TRDN: variants seen among roughly 807,000 people sequenced by gnomAD.
The protein encoded by TRDN is triadin, also known as triadin in skeletal muscle.
In TRDN, 161 loss-of-function variants were observed where a neutral mutation model predicts 149.7. That is an observed-to-expected ratio of 1.08 (90% CI 0.95 to 1.23). The LOEUF is 1.23. TRDN is among the 50% of genes most tolerant of loss of function. TRDN has a pLI of 0.00. For missense variants in TRDN, 896 were observed against 823.5 expected (o/e 1.09, Z -1.08); for synonymous variants, 294 against 250.5 (o/e 1.17, Z -1.64).
intron 12 of TRDN, among the ~76,000 whole-genome samples, chr6:123,401,423 T>C (rs1160420537): frequency 2.0e-5 from 3 of 152,140 alleles, no homozygotes; most frequent in African/African-American, 7.2e-5. Context: ...TGCAATTTGA[T>C]TTTAAATGAG....
intron 7 of TRDN, 98 bp from the exon 8 acceptor site, chr6:123,503,999 G>A (rs903700201): frequency 7.6e-7 from 1 of 1,307,810 alleles, no homozygotes; most frequent in South Asian, 1.6e-5. Flanking sequence ...AAAGAAAGAG[G>A]GAAGAAAGGT....
At chr6:123,490,738 A>T (rs981961064) in intron 9 of TRDN, among the ~76,000 whole-genome samples, 13 of 152,224 alleles carry the variant, frequency 8.5e-5, no homozygotes, top group African/African-American at 3.1e-4. Context: ...AAAGGCAGGC[A>T]TCCAAAAGAA....
chr6:123,359,996 T>A (rs937187998), intron 20 of TRDN, among the ~76,000 whole-genome samples: 4 of 152,010 alleles, frequency 2.6e-5, no homozygotes, highest in African/African-American at 9.7e-5. Context: ...CGCCTGGCCG[T>A]GAAGGGGAAT....
At chr6:123,357,388 GAA>G (rs1273607488) in intron 20 of TRDN, among the ~76,000 whole-genome samples, 2 of 152,072 alleles carry the variant, frequency 1.3e-5, no homozygotes, top group African/African-American at 4.8e-5. Context: ...GATATATGAG[GAA>G]AGACAAAGGA....
In TRDN at chr6:123,381,314, G is replaced by A. The variant is rs906456494; in HGVS notation, c.1186+56C>T. ...ATTGCAGGTCTAAATACAGCAGCAG[G>A]CAAATAATAGTAGTAAAAAAAAAAG... On this transcript the variant is annotated intron_variant, in intron 16 of 40. Coordinates refer to ENST00000334268, the MANE Select transcript of TRDN (RefSeq NM_006073.4). 56 of 1,485,816 alleles carry A rather than the reference G, an allele frequency of 3.8e-5. No homozygotes were observed. In the East Asian group the frequency reaches 1.4e-3, roughly 37 times the overall value. 92.0% of individuals were successfully genotyped at this position (1,485,816 alleles called of 1,614,324 possible). A position where few individuals can be genotyped will look rare whatever the true frequency, so the allele number is the denominator to read the frequency against.
intron 9 of TRDN, among the ~76,000 whole-genome samples, chr6:123,466,375 C>T (rs911161187): frequency 1.3e-5 from 2 of 152,282 alleles, no homozygotes; most frequent in Non-Finnish European, 2.9e-5. Context: ...TCTTCACAAG[C>T]TCTTTGGGAT....
rs1008568503 is a variant in TRDN at position 123,336,103 on chromosome 6, G to A, written c.1420+1516C>T. Reference sequence around the variant, plus strand: ...CTATTTTTCATAGTGTATGTCCAATGCATCTATGCCAAATAGATTTTTTTT... The same window carrying A: ...CTATTTTTCATAGTGTATGTCCAATACATCTATGCCAAATAGATTTTTTTT... On this transcript the variant is annotated intron_variant, in intron 22 of 40. Coordinates refer to ENST00000334268, the MANE Select transcript of TRDN (RefSeq NM_006073.4). Among the ~76,000 whole-genome samples the A allele has an allele frequency of 2.0e-5, 3 of 150,302 alleles. No individual in the cohort carries two copies. In the Admixed American group the frequency reaches 2.0e-4, roughly 10 times the overall value.
chr6:123,481,887 A>G (rs1354703803), intron 9 of TRDN, among the ~76,000 whole-genome samples: 2 of 152,204 alleles, frequency 1.3e-5, no homozygotes, highest in African/African-American at 4.8e-5. Flanking sequence ...AAAAGCTATC[A>G]CATGGCATGT....
At chr6:123,595,953 A>C (rs1784020006) in intron 1 of TRDN, among the ~76,000 whole-genome samples, 2 of 152,084 alleles carry the variant, frequency 1.3e-5, no homozygotes, top group Non-Finnish European at 2.9e-5. Context: ...TAAATGTTCA[A>C]ATGGGAGGAA....
intron 1 of TRDN, among the ~76,000 whole-genome samples, chr6:123,573,529 T>A (rs1295846515): frequency 6.6e-6 from 1 of 152,054 alleles, no homozygotes; most frequent in Non-Finnish European, 1.5e-5. Flanking sequence ...AACTCTTCAA[T>A]AAATGCAGGC....
At chr6:123,290,499 T>C (rs9375240) in intron 24 of TRDN, among the ~76,000 whole-genome samples, 28,101 of 152,136 alleles carry the variant, frequency 0.18, 3,399 homozygotes, top group East Asian at 0.61. Flanking sequence ...TGATGTTCAT[T>C]GGCTTTAAAA....
At chr6:123,437,733 G>A (rs2114591873) in intron 12 of TRDN, among the ~76,000 whole-genome samples, 1 of 152,140 alleles carries the variant, frequency 6.6e-6, no homozygotes, top group East Asian at 1.9e-4. Context: ...GCAGATATAA[G>A]ACTGAAAGTT....
intron 21 of TRDN, chr6:123,349,505 A>G: frequency 1.1e-6 from 1 of 896,908 alleles, no homozygotes; most frequent in Non-Finnish European, 1.3e-6. Flanking sequence ...ACATTTATTG[A>G]GGGTCAACAG....
chr6:123,229,857 T>A (rs1444416210), intron 38 of TRDN, among the ~76,000 whole-genome samples: 1 of 152,024 alleles, frequency 6.6e-6, no homozygotes, highest in African/African-American at 2.4e-5. Flanking sequence ...TATGTAGGTT[T>A]GATAAGTGAA....
intron 2 of TRDN, among the ~76,000 whole-genome samples, chr6:123,560,244 T>C (rs1440826148): frequency 1.3e-5 from 2 of 152,166 alleles, no homozygotes; most frequent in African/African-American, 4.8e-5. Context: ...ACGCATATAC[T>C]TTCTGCCCCC....
At position 123,397,673 on chromosome 6, in the gene TRDN, T is replaced by C. The variant is rs1353671953; in HGVS notation, c.1052-3996A>G. The stretch of plus-strand genomic sequence containing the variant: ...CACTGATTATGTGTTATTCAGAAAG[T>C]GTATTAACTCTAAATTTTAGAACTA... On this transcript the variant is annotated intron_variant, in intron 12 of 40. Transcript: ENST00000334268. 2.0e-5 allele frequency among the ~76,000 whole-genome samples: 3 copies of C among 152,328 alleles called. No homozygotes were observed. In the East Asian group the frequency reaches 5.8e-4, roughly 29 times the overall value.
intron 12 of TRDN, among the ~76,000 whole-genome samples, chr6:123,404,080 T>C (rs1773095014): frequency 6.6e-6 from 1 of 152,138 alleles, no homozygotes; most frequent in Admixed American, 6.5e-5. Flanking sequence ...TTAAGAAATC[T>C]CTAACAAAGA....
In TRDN at chr6:123,327,402, C is replaced by G. The variant is rs955848673; in HGVS notation, c.1471+4477G>C. Among the ~76,000 whole-genome samples, 4 of 151,882 alleles carry G rather than the reference C, an allele frequency of 2.6e-5. No individual in the cohort carries two copies. The East Asian group carries it at 7.7e-4, about 29-fold the overall frequency. The stretch of plus-strand genomic sequence containing the variant: ...AAACTTTTTTCTACTCTAAAAATAC[C>G]GTTGATATTTTTTATATGAATCTAT... On this transcript the variant is annotated intron_variant, in intron 23 of 40. Transcript: ENST00000334268.
chr6:123,619,053 A>T (rs910768253), intron 1 of TRDN, among the ~76,000 whole-genome samples: 3 of 152,214 alleles, frequency 2.0e-5, no homozygotes, highest in African/African-American at 7.2e-5. Flanking sequence ...AAACAACTGT[A>T]CACTAAATAA....
Sources: gnomAD v4.1 joint callset for allele counts (sites outside exome capture counted in the v4.1 genomes callset) on GRCh38, gnomAD v4.1.1 for gene constraint, MANE v1.5 for transcripts, NCBI Gene and HGNC (gene_info 2026-07-23, HGNC 2026-07-21) for gene names.